Variants in BORCS5 observed in about 807,000 individuals in gnomAD.
BORCS5 encodes BLOC-1-related complex subunit 5.
A neutral mutation model predicts 22.1 loss-of-function variants in BORCS5; 17 were observed. The ratio of observed to expected loss-of-function variants is 0.77; its 90% confidence interval spans 0.53 to 1.15. BORCS5 has a LOEUF of 1.15. BORCS5 is among the 50% of genes most tolerant of loss of function. BORCS5 has a pLI of 0.00. For synonymous variants in BORCS5, 117 were observed against 99.8 expected, an observed-to-expected ratio of 1.17 and a Z score of -1.03; for missense variants, 247 against 253.2, an observed-to-expected ratio of 0.98 and a Z score of 0.17.
At chr12:12,416,390 G>T (rs10459098) in intron 2 of BORCS5, among the ~76,000 whole-genome samples, 1 of 151,378 alleles carries the variant, frequency 6.6e-6, no homozygotes, top group African/African-American at 2.4e-5. Flanking sequence ...TGTTTTTCTA[G>T]TTCCTTAAGT....
chr12:12,432,401 T>C (rs990239346), intron 2 of BORCS5, among the ~76,000 whole-genome samples: 61 of 152,192 alleles, frequency 4.0e-4, no homozygotes, highest in African/African-American at 1.4e-3. Context: ...ATAGTTTTGT[T>C]AGGAGATTTT....
chr12:12,434,203 G>C (rs1644605204), intron 2 of BORCS5, among the ~76,000 whole-genome samples: 1 of 149,974 alleles, frequency 6.7e-6, no homozygotes. Context: ...AGATTGCTTG[G>C]GTCCAGGAGG....
At chr12:12,456,680 A>G (rs1388417142) in intron 3 of BORCS5, among the ~76,000 whole-genome samples, 1 of 152,100 alleles carries the variant, frequency 6.6e-6, no homozygotes, top group Non-Finnish European at 1.5e-5. Flanking sequence ...AACAGTGGTA[A>G]TAGTTATTCT....
At chr12:12,447,810 G>A (rs1284253863) in intron 3 of BORCS5, among the ~76,000 whole-genome samples, 1 of 152,182 alleles carries the variant, frequency 6.6e-6, no homozygotes, top group South Asian at 2.1e-4. Flanking sequence ...TGTTAAGTGT[G>A]TCACTTTGGT....
intron 2 of BORCS5, among the ~76,000 whole-genome samples, chr12:12,424,290 C>A (rs1942223665): frequency 6.6e-6 from 1 of 152,186 alleles, no homozygotes; most frequent in East Asian, 1.9e-4. Context: ...ATTATTCACT[C>A]ATTCTTTCTT....
chr12:12,446,994 G>T (rs185163559), intron 3 of BORCS5, among the ~76,000 whole-genome samples: 1 of 152,160 alleles, frequency 6.6e-6, no homozygotes, highest in Non-Finnish European at 1.5e-5. Context: ...CATTAGTGGC[G>T]TAATACAGCA....
chr12:12,397,357 G>A (rs1941374779), intron 2 of BORCS5, among the ~76,000 whole-genome samples: 1 of 152,160 alleles, frequency 6.6e-6, no homozygotes, highest in South Asian at 2.1e-4. Context: ...TTTTTTGTAC[G>A]TGCTGAGGTT....
intron 2 of BORCS5, among the ~76,000 whole-genome samples, chr12:12,428,156 C>A (rs1411204755): frequency 2.0e-5 from 3 of 152,166 alleles, no homozygotes; most frequent in African/African-American, 7.2e-5. Context: ...AGTATCTAAG[C>A]CTCTCAGAGT....
chr12:12,432,649 A>G (rs189135937), intron 2 of BORCS5, among the ~76,000 whole-genome samples: 67 of 152,362 alleles, frequency 4.4e-4, no homozygotes, highest in African/African-American at 1.5e-3. Context: ...TGAATGGTTT[A>G]ACAAACTCTG....
In BORCS5 at chr12:12,392,686, C is replaced by T. The variant is rs1383240171; in HGVS notation, c.202+31337C>T. ...GACGCTGTCTGAAAAGTGCTTAGCT[C>T]ACTGTGTGACGTATTGCAATTGCCC... On this transcript the variant is annotated intron_variant, in intron 2 of 3. Coordinates refer to ENST00000314565, the MANE Select transcript of BORCS5 (RefSeq NM_058169.6). Among the ~76,000 whole-genome samples the T allele has an allele frequency of 2.6e-5, 4 of 152,214 alleles. No homozygotes were observed. In the East Asian group the frequency reaches 7.7e-4, roughly 29 times the overall value.
chr12:12,378,417 G>C (rs986358369), intron 2 of BORCS5, among the ~76,000 whole-genome samples: 2 of 152,186 alleles, frequency 1.3e-5, no homozygotes, highest in African/African-American at 4.8e-5. Flanking sequence ...ATTTAAAAGA[G>C]AGAACATAGG....
In BORCS5 at chr12:12,408,274, T is replaced by C. The variant is rs1473380785; in HGVS notation, c.203-27354T>C. Among the ~76,000 whole-genome samples the C allele has an allele frequency of 2.0e-5, 3 of 152,362 alleles. 1 individual carries two copies. The highest frequency in any genetic ancestry group is 4.1e-4 in the South Asian group (2 of 4,834). ...TGCTGTGAACATTGATACATAAATA[T>C]CTGTATGAGTCCCTGCTTTCAGTTC... On this transcript the variant is annotated intron_variant, in intron 2 of 3. Transcript: ENST00000314565.
chr12:12,428,367 G>A (rs1942340555), intron 2 of BORCS5, among the ~76,000 whole-genome samples: 1 of 152,188 alleles, frequency 6.6e-6, no homozygotes, highest in Non-Finnish European at 1.5e-5. Context: ...GTAGTTTGCT[G>A]GATCTCTGGA....
chr12:12,458,961 G>C (rs1347614903), intron 3 of BORCS5, among the ~76,000 whole-genome samples: 2 of 151,566 alleles, frequency 1.3e-5, no homozygotes, highest in Non-Finnish European at 2.9e-5. Flanking sequence ...GACAAAGCCA[G>C]ACTCCGTCTC....
chr12:12,427,351 T>C lies in BORCS5; in HGVS notation c.203-8277T>C, dbSNP rs941413200. Among the ~76,000 whole-genome samples, 25 of 151,988 alleles carry C rather than the reference T, an allele frequency of 1.6e-4. 1 individual carries two copies. The highest frequency in any genetic ancestry group is 5.6e-4 in the African/African-American group (23 of 41,388). On this transcript the variant is annotated intron_variant, in intron 2 of 3. Transcript: ENST00000314565. ...ACCCGCCACCACGCCCAGCTAATTT[T>C]TTGTATTTTTACTAGAGATGGGGTT...
At chr12:12,415,575 G>GA (rs1555151648) in intron 2 of BORCS5, among the ~76,000 whole-genome samples, 9 of 102,552 alleles carry the variant, frequency 8.8e-5, no homozygotes, top group South Asian at 1.0e-3. Flanking sequence ...GGGGGAGGGG[G>GA]AGGGGCGATT....
chr12:12,435,731 G>T lies in BORCS5; in HGVS notation c.306G>T (p.Gln102His). Reference sequence around the variant, plus strand: ...TCCGATATCAAGATCACCTGCATCAGTGTGCAGAGGCCGTTGCTTTTGACC... The same window carrying T: ...TCCGATATCAAGATCACCTGCATCATTGTGCAGAGGCCGTTGCTTTTGACC... Reference protein sequence around the residue: ...LCLRYQDHLHQCAEAVAFDQN... With the variant: ...LCLRYQDHLHHCAEAVAFDQN... Residue 102 changes from glutamine (Q) to histidine (H), a missense_variant, in exon 3 of 4, where the codon CAG (glutamine) becomes CAT (histidine). Gln to His is a conservative substitution (Grantham distance 24). Transcript: ENST00000314565. The T allele has an allele frequency of 6.2e-7, 1 of 1,614,080 alleles. No individual in the cohort carries two copies. Among genetic ancestry groups the T allele is most frequent in the Non-Finnish European group, 8.5e-7 (1 of 1,179,956 alleles).
chr12:12,465,493 C>T (rs3751261), intron 3 of BORCS5, 53 bp from the exon 4 acceptor site: 619,352 of 1,508,142 alleles, frequency 0.41, 135,715 homozygotes, highest in East Asian at 0.76. Context: ...CCCGGCCCTG[C>T]GGAGAGGACT....
At chr12:12,412,117 C>T (rs1941750463) in intron 2 of BORCS5, among the ~76,000 whole-genome samples, 1 of 152,096 alleles carries the variant, frequency 6.6e-6, no homozygotes, top group Non-Finnish European at 1.5e-5. Context: ...TCTTGAGATT[C>T]CATATGAATT....
Sources: gnomAD v4.1 joint callset for allele counts (sites outside exome capture counted in the v4.1 genomes callset) on GRCh38, gnomAD v4.1.1 for gene constraint, MANE v1.5 for transcripts, NCBI Gene and HGNC (gene_info 2026-07-23, HGNC 2026-07-21) for gene names.